Variants in PCCB observed in about 807,000 individuals in gnomAD.
PCCB encodes the protein propionyl-CoA carboxylase subunit beta, also known as propionyl-CoA carboxylase beta chain, mitochondrial.
In PCCB, 43 loss-of-function variants were observed where a neutral mutation model predicts 60.7. The observed-to-expected ratio is 0.71, with a 90% CI of 0.55 to 0.91. PCCB has a LOEUF of 0.91. Ranked by LOEUF, PCCB falls within the 40% of genes least tolerant of loss-of-function variation. The pLI is 0.00. For missense variants in PCCB, 766 were observed against 702.8 expected, an observed-to-expected ratio of 1.09 and a Z score of -1.02; for synonymous variants, 276 against 255.9, an observed-to-expected ratio of 1.08 and a Z score of -0.75.
At chr3:136,290,671 G>GTTTTTTTGTTTTT (rs1553778408) in intron 6 of PCCB, among the ~76,000 whole-genome samples, 1 of 60,050 alleles carries the variant, frequency 1.7e-5, no homozygotes, top group Non-Finnish European at 2.7e-5. Flanking sequence ...TCTCTGTGTA[G>GTTTTTTTGTTTTT]TTTTTTTTTT....
intron 5 of PCCB, among the ~76,000 whole-genome samples, chr3:136,278,160 T>C (rs373774625): frequency 6.6e-6 from 1 of 152,184 alleles, no homozygotes. Flanking sequence ...GTTTCTACTT[T>C]TATATTTCTT....
intron 3 of PCCB, chr3:136,259,191 G>A: frequency 6.9e-7 from 1 of 1,449,092 alleles, no homozygotes; most frequent in Non-Finnish European, 9.1e-7. Flanking sequence ...AATAGGCTGG[G>A]CACAGTGGCT....
At chr3:136,289,313 C>CT (rs1390662555) in intron 6 of PCCB, among the ~76,000 whole-genome samples, 1 of 152,140 alleles carries the variant, frequency 6.6e-6, no homozygotes, top group East Asian at 1.9e-4. Flanking sequence ...TATTTTGATG[C>CT]TCTGTTGTTA....
At chr3:136,279,086 T>C (rs1378227430) in intron 5 of PCCB, among the ~76,000 whole-genome samples, 1 of 152,200 alleles carries the variant, frequency 6.6e-6, no homozygotes, top group African/African-American at 2.4e-5. Flanking sequence ...AAAGTCTCTT[T>C]AGTCTGATAG....
chr3:136,307,628 AAAT>A (rs780345389), intron 9 of PCCB, among the ~76,000 whole-genome samples: 60 of 152,144 alleles, frequency 3.9e-4, no homozygotes, highest in Admixed American at 1.0e-3. Flanking sequence ...TAAAGGGGAA[AAAT>A]AAAAAAAAAG....
At chr3:136,329,803 A>G in intron 14 of PCCB, 102 bp from the exon 15 acceptor site, 6 of 1,310,222 alleles carry the variant, frequency 4.6e-6, no homozygotes, top group Non-Finnish European at 6.6e-6. Flanking sequence ...GGCACTGCTT[A>G]TACTGCTGGC....
chr3:136,264,897 AG>A (rs1576409929), intron 5 of PCCB, among the ~76,000 whole-genome samples: 1 of 124,560 alleles, frequency 8.0e-6, no homozygotes, highest in Non-Finnish European at 1.7e-5. Context: ...AAAAAAAAAG[AG>A]CTTAATGCTT....
intron 5 of PCCB, among the ~76,000 whole-genome samples, chr3:136,277,182 G>A (rs1942349780): frequency 6.6e-6 from 1 of 152,164 alleles, no homozygotes; most frequent in African/African-American, 2.4e-5. Context: ...TGGCTTTCTC[G>A]AATGCTGGTT....
In PCCB at chr3:136,302,957, G is replaced by A. The variant is rs148251226; in HGVS notation, c.966+1846G>A. ...AAATTTGCTGGGTGAGGTGGCTGTCGCCTGTAGTCCCATTTACTTGGGAGG... is the reference window on the plus strand; with the variant it reads ...AAATTTGCTGGGTGAGGTGGCTGTCACCTGTAGTCCCATTTACTTGGGAGG... On this transcript the variant is annotated intron_variant, in intron 9 of 14. Transcript: ENST00000251654. 7.3e-3 allele frequency among the ~76,000 whole-genome samples: 887 copies of A among 121,768 alleles called. 86 individuals are homozygous for A. The highest frequency in any genetic ancestry group is 0.02 in the African/African-American group (811 of 40,032). 79.9% of individuals were successfully genotyped at this position (121,768 alleles called of 152,430 possible). A position where few individuals can be genotyped will look rare whatever the true frequency, so the allele number is the denominator to read the frequency against.
At chr3:136,310,054 A>G (rs2108218066) in intron 9 of PCCB, among the ~76,000 whole-genome samples, 1 of 151,946 alleles carries the variant, frequency 6.6e-6, no homozygotes, top group South Asian at 2.1e-4. Flanking sequence ...CAACATGACG[A>G]AACTCTGTCT....
chr3:136,254,720 G>T (rs1167397998), intron 1 of PCCB, among the ~76,000 whole-genome samples: 1 of 148,952 alleles, frequency 6.7e-6, no homozygotes, highest in Non-Finnish European at 1.5e-5. Context: ...TTTCAGTAGA[G>T]ACCAGGTTTT....
At chr3:136,279,047 AAT>A (rs1942405581) in intron 5 of PCCB, among the ~76,000 whole-genome samples, 1 of 152,098 alleles carries the variant, frequency 6.6e-6, no homozygotes, top group Non-Finnish European at 1.5e-5. Context: ...ACCTTTTATC[AAT>A]ATGTCTCTCT....
chr3:136,268,087 G>GATATATAT lies in PCCB; in HGVS notation c.543+6049_543+6056dup, dbSNP rs61160895. On this transcript the variant is annotated intron_variant, in intron 5 of 14. Transcript: ENST00000251654. ...GTGCGTGTGTGTGTGTGTGTGTGTAGATATATATATATATATATATATATA... is the reference window on the plus strand; with the variant it reads ...GTGCGTGTGTGTGTGTGTGTGTGTAGATATATATATATATATATATATATATATATATA... Among the ~76,000 whole-genome samples, 358 of 93,638 alleles carry GATATATAT rather than the reference G, an allele frequency of 3.8e-3. 6 individuals are homozygous for GATATATAT. Among genetic ancestry groups the GATATATAT allele is most frequent in the African/African-American group, 0.011 (233 of 21,642 alleles). The allele number at this position is 93,638 out of a possible 152,430, so 61.4% of individuals were successfully genotyped here.
intron 12 of PCCB, 102 bp downstream of exon 12, chr3:136,327,357 C>T (rs1179191571): frequency 4.7e-6 from 4 of 851,324 alleles, no homozygotes; most frequent in Middle Eastern, 2.9e-4. Context: ...AGGAGTACAC[C>T]TTGCTCATCC....
At chr3:136,260,894 T>G (rs566696224) in intron 4 of PCCB, among the ~76,000 whole-genome samples, 8 of 152,282 alleles carry the variant, frequency 5.3e-5, no homozygotes, top group African/African-American at 1.7e-4. Flanking sequence ...TAGTCAAAGG[T>G]GAAATATTTC....
At chr3:136,314,068 C>A (rs1353290289) in intron 9 of PCCB, among the ~76,000 whole-genome samples, 1 of 151,960 alleles carries the variant, frequency 6.6e-6, no homozygotes, top group Non-Finnish European at 1.5e-5. Context: ...GGAACCCAGG[C>A]CTTTTGGAGA....
At chr3:136,259,358 G>C (rs746732624) in intron 3 of PCCB, 24 of 377,998 alleles carry the variant, frequency 6.3e-5, no homozygotes, top group South Asian at 3.7e-4. Flanking sequence ...CCAGCTACTC[G>C]GGAGGCTGAG....
At chr3:136,318,043 T>C (rs941654133) in intron 10 of PCCB, among the ~76,000 whole-genome samples, 1 of 152,212 alleles carries the variant, frequency 6.6e-6, no homozygotes, top group Non-Finnish European at 1.5e-5. Context: ...TTATTGTCTT[T>C]AGAAAACTGT....
intron 9 of PCCB, among the ~76,000 whole-genome samples, chr3:136,307,107 G>A (rs1305239464): frequency 8.2e-6 from 1 of 122,398 alleles, no homozygotes; most frequent in African/African-American, 2.5e-5. Flanking sequence ...GAAAGAATCT[G>A]TGACTAAGGA....
Sources: allele counts gnomAD v4.1 joint callset (sites outside exome capture counted in the v4.1 genomes callset), GRCh38; gene constraint gnomAD v4.1.1; transcripts MANE v1.5; gene names NCBI Gene and HGNC (gene_info 2026-07-23, HGNC 2026-07-21).